The following VCAN variants were observed in gnomAD, a reference collection of about 807,000 sequenced individuals.
VCAN encodes versican.
In VCAN, 44 loss-of-function variants were observed where a neutral mutation model predicts 245.5. The ratio of observed to expected loss-of-function variants is 0.18; its 90% CI spans 0.14 to 0.23. The LOEUF (loss-of-function observed/expected upper bound fraction) is 0.23, where lower values mean the gene tolerates loss of function less well. Among genes scored for constraint, VCAN ranks in the 10% least tolerant of loss-of-function variants. VCAN has a pLI of 1.00. For synonymous variants in VCAN, 1,413 were observed against 1,437.0 expected, an observed-to-expected ratio of 0.98 and a Z score of 0.38; for missense variants, 3,793 against 4,057.9, an observed-to-expected ratio of 0.93 and a Z score of 1.77.
At chr5:83,513,518 C>G (rs1324364892) in intron 6 of VCAN, among the ~76,000 whole-genome samples, 8 of 152,172 alleles carry the variant, frequency 5.3e-5, no homozygotes, top group African/African-American at 1.7e-4. Flanking sequence ...CTTTTATCTC[C>G]TAGCTAAGAA....
chr5:83,479,398 T>G (rs1744534996), intron 1 of VCAN, among the ~76,000 whole-genome samples: 1 of 152,156 alleles, frequency 6.6e-6, no homozygotes, highest in Non-Finnish European at 1.5e-5. Flanking sequence ...CAGACATTTC[T>G]CATGGATAGG....
chr5:83,502,758 C>G (rs1395780128), intron 5 of VCAN, among the ~76,000 whole-genome samples: 3 of 150,606 alleles, frequency 2.0e-5, no homozygotes, highest in African/African-American at 2.5e-5. Context: ...GGATAATACT[C>G]TAATAATTAA....
At position 83,541,028 on chromosome 5, in the gene VCAN, T is replaced by A; in HGVS notation, c.8025T>A (p.Pro2675=). ...HMGFHFTTGI[P]APSTETELDV... Reference sequence around the variant, plus strand: ...GCTTTCACTTCACAACTGGGATCCCTGCTCCTAGCACAGAAACAGAATTAG... The same window carrying A: ...GCTTTCACTTCACAACTGGGATCCCAGCTCCTAGCACAGAAACAGAATTAG... The change falls in exon 8 of 15, where the codon CCT becomes CCA. Residue 2675 remains proline (P), a synonymous_variant. Transcript: ENST00000265077. The A allele has an allele frequency of 6.2e-7, 1 of 1,614,006 alleles. No homozygotes were observed.
intron 5 of VCAN, among the ~76,000 whole-genome samples, chr5:83,495,936 A>C (rs1745145870): frequency 6.6e-6 from 1 of 152,052 alleles, no homozygotes; most frequent in Non-Finnish European, 1.5e-5. Flanking sequence ...TTTTGAGTTT[A>C]CTCTGATAGA....
intron 12 of VCAN, among the ~76,000 whole-genome samples, chr5:83,559,745 C>G (rs1316153527): frequency 6.6e-6 from 1 of 152,118 alleles, no homozygotes; most frequent in African/African-American, 2.4e-5. Flanking sequence ...TAGGAATTAA[C>G]TTTCGTCTCT....
intron 5 of VCAN, among the ~76,000 whole-genome samples, chr5:83,510,881 C>T (rs1012861115): frequency 7.9e-5 from 12 of 152,166 alleles, no homozygotes; most frequent in African/African-American, 2.6e-4. Flanking sequence ...TTTGGGAGGC[C>T]GAGGCGGGTG....
intron 5 of VCAN, among the ~76,000 whole-genome samples, chr5:83,509,718 G>A (rs893180578): frequency 2.0e-5 from 3 of 152,182 alleles, no homozygotes; most frequent in Admixed American, 6.5e-5. Context: ...CTGTTGGCAC[G>A]CTGCCTTCTT....
At chr5:83,491,864 A>G (rs1230241455) in intron 3 of VCAN, among the ~76,000 whole-genome samples, 1 of 152,214 alleles carries the variant, frequency 6.6e-6, no homozygotes, top group Admixed American at 6.5e-5. Context: ...CAAGAAGACT[A>G]TTTGAAGCTT....
At chr5:83,505,725 G>A (rs770208336) in intron 5 of VCAN, among the ~76,000 whole-genome samples, 2 of 152,182 alleles carry the variant, frequency 1.3e-5, no homozygotes, top group Non-Finnish European at 2.9e-5. Context: ...CTGTCTGGGG[G>A]CTCCAACCCC....
intron 13 of VCAN, among the ~76,000 whole-genome samples, chr5:83,579,306 G>A (rs1042535672): frequency 1.3e-5 from 2 of 151,876 alleles, no homozygotes; most frequent in Non-Finnish European, 1.5e-5. Flanking sequence ...GCTCTGTCAC[G>A]AGGCTGGAGT....
chr5:83,580,179 A>C lies in VCAN; in HGVS notation c.10063+17A>C. On this transcript the variant is annotated intron_variant, in intron 14 of 14. Coordinates refer to ENST00000265077, the MANE Select transcript of VCAN (RefSeq NM_004385.5). The stretch of plus-strand genomic sequence containing the variant: ...GCATGAACCGTAAGTGGTCCTTTAG[A>C]AAGAATGGACTACCGTGCTATAACA... The C allele has an allele frequency of 6.2e-7, 1 of 1,614,040 alleles. No individual in the cohort carries two copies. The highest frequency in any genetic ancestry group is 2.2e-5 in the East Asian group (1 of 44,856).
In VCAN at chr5:83,581,163, A is replaced by T. The variant is rs1316518083; in HGVS notation, c.*729A>T. On this transcript the variant is annotated 3_prime_UTR_variant, in exon 15 of 15. Coordinates refer to ENST00000265077, the MANE Select transcript of VCAN (RefSeq NM_004385.5). Reference sequence around the variant, plus strand: ...AATGGAGGACTTTTCTGTAACCAGGAACATTTTTTAGGGGTCAAAGTGCTA... The same window carrying T: ...AATGGAGGACTTTTCTGTAACCAGGTACATTTTTTAGGGGTCAAAGTGCTA... 6.5e-6 allele frequency: 1 copy of T among 153,176 alleles called. No individual in the cohort carries two copies. The highest frequency in any genetic ancestry group is 2.4e-5 in the African/African-American group (1 of 41,420). 9.5% of individuals were successfully genotyped at this position (153,176 alleles called of 1,614,324 possible).
intron 12 of VCAN, among the ~76,000 whole-genome samples, chr5:83,565,554 G>A (rs1748049240): frequency 6.6e-6 from 1 of 152,074 alleles, no homozygotes; most frequent in South Asian, 2.1e-4. Flanking sequence ...CAGTAGAGAG[G>A]AAAAGAAATA....
chr5:83,512,092 T>C lies in VCAN; in HGVS notation c.749-11T>C, dbSNP rs777487244. 2 of 1,613,976 alleles carry C rather than the reference T, an allele frequency of 1.2e-6. No homozygotes were observed. The highest frequency in any genetic ancestry group is 2.2e-5 in the South Asian group (2 of 91,066). On this transcript the variant is annotated splice_polypyrimidine_tract_variant and intron_variant, in intron 5 of 14. Coordinates refer to ENST00000265077, the MANE Select transcript of VCAN (RefSeq NM_004385.5). ...AAACTTTGGGCTTTTTTTCCCTTCT[T>C]TTTTTTCCAGGTGATGTGTTCCACC... is the stretch of plus-strand genomic sequence containing the variant.
chr5:83,490,573 T>A (rs1744949953), intron 3 of VCAN, 101 bp downstream of exon 3: 14 of 1,545,686 alleles, frequency 9.1e-6, no homozygotes, highest in Non-Finnish European at 1.1e-5. Context: ...GGGGTTTGGA[T>A]GAGCGGAAAA....
rs764970307 is a variant in VCAN at position 83,545,571 on chromosome 5, C to T, written c.9300C>T (p.Asn3100=). 63 of 1,613,972 alleles carry T rather than the reference C, an allele frequency of 3.9e-5. No individual in the cohort carries two copies. Among genetic ancestry groups the T allele is most frequent in the East Asian group, 2.9e-4 (13 of 44,878 alleles). Reference sequence around the variant, plus strand: ...GCTGCAAAATGAACCCGTGCCTTAACGGAGGCACCTGTTATCCTACTGAAA... The same window carrying T: ...GCTGCAAAATGAACCCGTGCCTTAATGGAGGCACCTGTTATCCTACTGAAA... The part of the protein sequence containing the change: ...PDRCKMNPCL[N]GGTCYPTETS... The change falls in exon 9 of 15, where the codon AAC becomes AAT. Residue 3100 remains asparagine, a synonymous_variant. Coordinates refer to ENST00000265077, the MANE Select transcript of VCAN (RefSeq NM_004385.5).
At chr5:83,548,228 A>G (rs576582925) in intron 10 of VCAN, 144 bp downstream of exon 10, 43 of 723,392 alleles carry the variant, frequency 5.9e-5, no homozygotes, top group Admixed American at 8.1e-5. Flanking sequence ...CATCTGAATC[A>G]TAGTGTTGAC....
intron 1 of VCAN, among the ~76,000 whole-genome samples, chr5:83,476,444 C>T (rs148042810): frequency 1.3e-5 from 2 of 152,278 alleles, no homozygotes; most frequent in East Asian, 3.9e-4. Context: ...CCAGTTAGGA[C>T]TGACAAACAC....
rs1021515616 is a variant in VCAN at position 83,572,536 on chromosome 5, A to T, written c.9856A>T (p.Thr3286Ser). ...TGATGTTCCCTGCAATTACCATCTC[A>T]CCTATACGTGCAAGAAAGGAACAGG... ...WNDVPCNYHLTYTCKKGTVAC... is the reference protein window; with the variant it reads ...WNDVPCNYHLSYTCKKGTVAC... The change falls in exon 13 of 15, where the codon ACC becomes TCC. Residue 3286 changes from threonine to serine, a missense_variant. By Grantham distance (58) the Thr-to-Ser change is moderately conservative (BLOSUM62 1). This residue lies in a region of VCAN where 205 missense variants were observed against 321.1 expected (regional missense o/e 0.64). Transcript: ENST00000265077. The T allele has an allele frequency of 6.2e-7, 1 of 1,613,850 alleles. No homozygotes were observed. Among genetic ancestry groups the T allele is most frequent in the Non-Finnish European group, 8.5e-7 (1 of 1,179,844 alleles).
Sources: allele counts gnomAD v4.1 joint callset (sites outside exome capture counted in the v4.1 genomes callset), GRCh38; gene constraint gnomAD v4.1.1; regional missense constraint gnomAD v4.1.1; transcripts MANE v1.5; gene names NCBI Gene and HGNC (gene_info 2026-07-23, HGNC 2026-07-21).